SHISA6: variants seen among roughly 807,000 people sequenced by gnomAD.
SHISA6 encodes shisa family member 6.
A neutral mutation model predicts 47.9 loss-of-function variants in SHISA6; 22 were observed. The observed-to-expected ratio is 0.46, with a 90% confidence interval of 0.33 to 0.66. SHISA6 has a LOEUF of 0.66. Among genes scored for constraint, SHISA6 ranks in the 30% least tolerant of loss-of-function variants. The pLI, the probability that SHISA6 is intolerant of heterozygous loss-of-function variation, is 0.02. For missense variants in SHISA6, 680 were observed against 764.6 expected (o/e 0.89, Z 1.30); for synonymous variants, 388 against 337.8 (o/e 1.15, Z -1.63).
At chr17:11,388,818 A>G (rs1392672911) in intron 3 of SHISA6, among the ~76,000 whole-genome samples, 3 of 101,268 alleles carry the variant, frequency 3.0e-5, no homozygotes, top group Non-Finnish European at 5.8e-5. Flanking sequence ...ATATATATAT[A>G]TATATATATA....
intron 1 of SHISA6, among the ~76,000 whole-genome samples, chr17:11,249,822 G>A (rs375151658): frequency 6.6e-6 from 1 of 152,198 alleles, no homozygotes; most frequent in Non-Finnish European, 1.5e-5. Flanking sequence ...AATCAAGAGT[G>A]CCTCCAGTAA....
At chr17:11,423,245 A>G (rs1914502082) in intron 3 of SHISA6, among the ~76,000 whole-genome samples, 1 of 146,680 alleles carries the variant, frequency 6.8e-6, no homozygotes, top group African/African-American at 2.5e-5. Context: ...GTGTGTATAT[A>G]TATATATATA....
Position 11,362,455 on chromosome 17 carries a change from G to A in SHISA6, c.800-16959G>A, listed in dbSNP as rs564208930. Among the ~76,000 whole-genome samples, 14 of 152,222 alleles carry A rather than the reference G, an allele frequency of 9.2e-5. No individual in the cohort carries two copies. In the East Asian group the frequency reaches 2.7e-3, roughly 29 times the overall value. On this transcript the variant is annotated intron_variant, in intron 2 of 5. Coordinates refer to ENST00000441885, the MANE Select transcript of SHISA6 (RefSeq NM_207386.4). Reference sequence around the variant, plus strand: ...TGTGCCTGGCCAGGCCAGTTCTTTTGAACGTAATCTCTGTCGACCTGCTTT... The same window carrying A: ...TGTGCCTGGCCAGGCCAGTTCTTTTAAACGTAATCTCTGTCGACCTGCTTT...
chr17:11,363,463 T>TTTTCTACTGAAACTGAGAAACTC (rs1284580305), intron 2 of SHISA6, among the ~76,000 whole-genome samples: 4 of 152,202 alleles, frequency 2.6e-5, no homozygotes, highest in Non-Finnish European at 4.4e-5. Context: ...GTTTTCTCAG[T>TTTTCTACTGAAACTGAGAAACTC]TTTCTACTGA....
At chr17:11,461,734 A>C (rs1054372636) in intron 3 of SHISA6, among the ~76,000 whole-genome samples, 10 of 152,142 alleles carry the variant, frequency 6.6e-5, no homozygotes, top group Non-Finnish European at 1.3e-4. Context: ...CCCTGGGATT[A>C]CTAAGGCAGG....
At chr17:11,499,094 G>A (rs1298834379) in intron 3 of SHISA6, among the ~76,000 whole-genome samples, 3 of 152,166 alleles carry the variant, frequency 2.0e-5, no homozygotes, top group Non-Finnish European at 2.9e-5. Flanking sequence ...TTCTAAGGAT[G>A]CATGATGAGC....
intron 1 of SHISA6, among the ~76,000 whole-genome samples, chr17:11,246,477 G>A (rs952889502): frequency 7.9e-5 from 12 of 152,166 alleles, no homozygotes; most frequent in Middle Eastern, 3.2e-3. Flanking sequence ...GGGCCAGAGC[G>A]AGACTCAGTC....
chr17:11,429,024 C>T (rs536464824), intron 3 of SHISA6, among the ~76,000 whole-genome samples: 5 of 152,064 alleles, frequency 3.3e-5, no homozygotes, highest in South Asian at 2.1e-4. Flanking sequence ...CTCCTGACCC[C>T]GTGATCCGCC....
chr17:11,459,193 C>T (rs60030971), intron 3 of SHISA6, among the ~76,000 whole-genome samples: 39,720 of 144,752 alleles, frequency 0.27, 5,517 homozygotes, highest in Middle Eastern at 0.38. Context: ...CACTCCAGCC[C>T]GGGCGACAGA....
In SHISA6 at chr17:11,379,429, A is replaced by G; in HGVS notation, c.815A>G (p.Asp272Gly). ...CTTCTTGCAGGGCATTATGGGAAGG[A>G]TGCTTACCGAAGTGGAGGACCTGAT... ...AKQTPGHYGK[D>G]AYRSGGPDLH... The change falls in exon 3 of 6, where the codon GAT becomes GGT. Residue 272 changes from aspartate to glycine, a missense_variant. By Grantham distance (94) the Asp-to-Gly change is moderately conservative (BLOSUM62 -1). Around this residue, in one of 2 missense-constraint regions of SHISA6, gnomAD observed 559 missense variants for 674.1 expected, o/e 0.83. Coordinates refer to ENST00000441885, the MANE Select transcript of SHISA6 (RefSeq NM_207386.4). The G allele has an allele frequency of 1.9e-6, 3 of 1,539,578 alleles. No homozygotes were observed. The highest frequency in any genetic ancestry group is 1.4e-5 in the African/African-American group (1 of 72,212).
chr17:11,253,307 CA>C, intron 1 of SHISA6, among the ~76,000 whole-genome samples: 1 of 61,566 alleles, frequency 1.6e-5, no homozygotes, highest in African/African-American at 4.0e-5. Context: ...TGGACCTGGG[CA>C]AAGTTTTTTT....
chr17:11,277,280 T>TCTCTCTCTCACACACACACACA (rs1386997909), intron 2 of SHISA6, among the ~76,000 whole-genome samples: 67 of 53,890 alleles, frequency 1.2e-3, no homozygotes, highest in East Asian at 1.8e-3. Flanking sequence ...TCTCTCTCTC[T>TCTCTCTCTCACACACACACACA]CACACACACA....
chr17:11,522,865 T>C (rs1456401031), intron 3 of SHISA6, among the ~76,000 whole-genome samples: 3 of 152,252 alleles, frequency 2.0e-5, no homozygotes, highest in Non-Finnish European at 4.4e-5. Flanking sequence ...CTGACTTGCA[T>C]GCAATAATAC....
intron 2 of SHISA6, among the ~76,000 whole-genome samples, chr17:11,341,045 G>A (rs1911508718): frequency 6.6e-6 from 1 of 152,148 alleles, no homozygotes; most frequent in African/African-American, 2.4e-5. Context: ...AATAATTGAC[G>A]AATGTTGGCA....
chr17:11,548,552 C>T (rs556449855), intron 3 of SHISA6, among the ~76,000 whole-genome samples: 2 of 151,730 alleles, frequency 1.3e-5, no homozygotes, highest in African/African-American at 4.8e-5. Context: ...ACAAGTGAAT[C>T]GTTCAACATG....
intron 3 of SHISA6, among the ~76,000 whole-genome samples, chr17:11,498,798 C>T (rs2071427907): frequency 6.6e-6 from 1 of 152,262 alleles, no homozygotes; most frequent in East Asian, 1.9e-4. Flanking sequence ...AGGCTGTGGA[C>T]TTGTAGGACC....
At chr17:11,269,907 G>T (rs1294527553) in intron 2 of SHISA6, among the ~76,000 whole-genome samples, 1 of 152,158 alleles carries the variant, frequency 6.6e-6, no homozygotes, top group Admixed American at 6.5e-5. Context: ...CAATATATTG[G>T]TTCCTAGCCA....
chr17:11,241,217 G>T lies in SHISA6; in HGVS notation c.-206G>T. 6.6e-6 allele frequency: 1 copy of T among 152,266 alleles called. No homozygotes were observed. The highest frequency in any genetic ancestry group is 1.8e-4 in the South Asian group (1 of 5,592). 9.4% of individuals were successfully genotyped at this position (152,266 alleles called of 1,614,324 possible). Reference sequence around the variant, plus strand: ...CGCGGAGCCGGCGCGCAGCCTGAGAGCCCGAGCAGCCCGCGCCGGGCCGGT... The same window carrying T: ...CGCGGAGCCGGCGCGCAGCCTGAGATCCCGAGCAGCCCGCGCCGGGCCGGT... On this transcript the variant is annotated 5_prime_UTR_variant, in exon 1 of 6. Transcript: ENST00000441885. The surrounding 1 kb of genome is among the most constrained non-coding windows in gnomAD (Gnocchi z 5.5).
chr17:11,329,918 C>T (rs1911037695), intron 2 of SHISA6, among the ~76,000 whole-genome samples: 2 of 151,322 alleles, frequency 1.3e-5, no homozygotes, highest in Admixed American at 6.6e-5. Flanking sequence ...CTCCCTCCCT[C>T]CCTCTCCCTC....
Sources: gnomAD v4.1 joint callset for allele counts (sites outside exome capture counted in the v4.1 genomes callset) on GRCh38, gnomAD v4.1.1 for gene constraint, gnomAD v4.1.1 regional missense constraint, Gnocchi (gnomAD v3.1) non-coding constraint, MANE v1.5 for transcripts, NCBI Gene and HGNC (gene_info 2026-07-23, HGNC 2026-07-21) for gene names.